The following KCNH8 variants were observed in gnomAD, a reference collection of about 807,000 sequenced individuals.
The protein encoded by KCNH8 is potassium voltage-gated channel subfamily H member 8.
A neutral mutation model predicts 103.6 loss-of-function variants in KCNH8; 70 were observed. The observed-to-expected ratio is 0.68, with a 90% CI of 0.56 to 0.82. KCNH8 has a LOEUF of 0.82. Among genes scored for constraint, KCNH8 ranks in the 40% least tolerant of loss-of-function variants. KCNH8 has a pLI of 0.00. For missense variants in KCNH8, 1,217 were observed against 1,329.9 expected (o/e 0.92, Z 1.32); for synonymous variants, 498 against 489.4 (o/e 1.02, Z -0.23).
At chr3:19,211,314 T>G (rs1393943114) in intron 1 of KCNH8, among the ~76,000 whole-genome samples, 5 of 152,142 alleles carry the variant, frequency 3.3e-5, no homozygotes, top group African/African-American at 4.8e-5. Context: ...ACCAAGTATT[T>G]TGATTTAAAA....
intron 1 of KCNH8, among the ~76,000 whole-genome samples, chr3:19,245,772 A>C (rs1332112392): frequency 6.6e-6 from 1 of 152,100 alleles, no homozygotes; most frequent in Non-Finnish European, 1.5e-5. Context: ...AATGGTATTC[A>C]TTTTTGTACA....
At chr3:19,415,305 A>G (rs754570738) in intron 7 of KCNH8, among the ~76,000 whole-genome samples, 2 of 151,886 alleles carry the variant, frequency 1.3e-5, no homozygotes, top group South Asian at 2.1e-4. Context: ...AAAACACACC[A>G]TAGACTAAAT....
rs1014491046 is a variant in KCNH8 at position 19,166,259 on chromosome 3, T to C, written c.76+17464T>C. Among the ~76,000 whole-genome samples the C allele has an allele frequency of 4.5e-4, 69 of 152,312 alleles. 1 individual carries two copies. The highest frequency in any genetic ancestry group is 4.5e-3 in the Admixed American group (69 of 15,292). Reference sequence around the variant, plus strand: ...ATCTTAAAATGGCTTTTTTATTTCCTCACATACACATGCAGTTAATGTTTA... The same window carrying C: ...ATCTTAAAATGGCTTTTTTATTTCCCCACATACACATGCAGTTAATGTTTA... On this transcript the variant is annotated intron_variant, in intron 1 of 15. Coordinates refer to ENST00000328405, the MANE Select transcript of KCNH8 (RefSeq NM_144633.3).
intron 7 of KCNH8, among the ~76,000 whole-genome samples, chr3:19,397,557 A>G (rs200841373): frequency 3.5e-5 from 5 of 142,798 alleles, no homozygotes; most frequent in African/African-American, 2.5e-5. Flanking sequence ...ATATGTGTGT[A>G]TATATACATA....
chr3:19,360,689 T>TA (rs1302391572), intron 5 of KCNH8, among the ~76,000 whole-genome samples: 1 of 152,066 alleles, frequency 6.6e-6, no homozygotes, highest in African/African-American at 2.4e-5. Flanking sequence ...ATAAAATTGA[T>TA]ACAATTTTAT....
At chr3:19,501,236 G>A (rs1276046412) in intron 11 of KCNH8, among the ~76,000 whole-genome samples, 1 of 151,896 alleles carries the variant, frequency 6.6e-6, no homozygotes, top group Non-Finnish European at 1.5e-5. Context: ...GGAAGAAGTT[G>A]AATCTCTGAA....
At chr3:19,291,233 C>T (rs1159285744) in intron 3 of KCNH8, among the ~76,000 whole-genome samples, 1 of 152,094 alleles carries the variant, frequency 6.6e-6, no homozygotes, top group Admixed American at 6.6e-5. Flanking sequence ...TTTTTTGTGT[C>T]TCTATTTCCT....
chr3:19,350,857 C>T lies in KCNH8; in HGVS notation c.811+2892C>T, dbSNP rs146141168. Among the ~76,000 whole-genome samples, 120 of 152,158 alleles carry T rather than the reference C, an allele frequency of 7.9e-4. 2 individuals are homozygous for T. The East Asian group carries it at 0.02, about 25-fold the overall frequency. On this transcript the variant is annotated intron_variant, in intron 5 of 15. Transcript: ENST00000328405. ...AAGGAACGCACCTCCTTGCCAGCAACGGAACAAAGCTGGATGGAGAATGAC... is the reference window on the plus strand; with the variant it reads ...AAGGAACGCACCTCCTTGCCAGCAATGGAACAAAGCTGGATGGAGAATGAC...
intron 7 of KCNH8, among the ~76,000 whole-genome samples, chr3:19,402,030 C>A (rs905096801): frequency 2.6e-5 from 4 of 151,876 alleles, no homozygotes; most frequent in African/African-American, 9.7e-5. Context: ...CTACCAAACA[C>A]TCCAAGCAAC....
chr3:19,150,832 G>A (rs145444865), intron 1 of KCNH8, among the ~76,000 whole-genome samples: 3 of 152,238 alleles, frequency 2.0e-5, no homozygotes, highest in East Asian at 3.9e-4. Flanking sequence ...GCATCTGGGG[G>A]ATTCCTGGAG....
chr3:19,470,378 C>T (rs1361682686), intron 11 of KCNH8, among the ~76,000 whole-genome samples: 1 of 152,192 alleles, frequency 6.6e-6, no homozygotes, highest in Admixed American at 6.5e-5. Context: ...TGCATTTCCT[C>T]TTCATTCTTC....
chr3:19,276,431 T>C (rs1371694185), intron 2 of KCNH8, among the ~76,000 whole-genome samples: 1 of 152,138 alleles, frequency 6.6e-6, no homozygotes, highest in Non-Finnish European at 1.5e-5. Context: ...AGTAAAGATG[T>C]TATGTATTTA....
chr3:19,424,966 A>G (rs1247494984), intron 7 of KCNH8, among the ~76,000 whole-genome samples: 5 of 152,108 alleles, frequency 3.3e-5, no homozygotes, highest in Non-Finnish European at 7.4e-5. Flanking sequence ...TCCCCACGTC[A>G]TTTGTGGTTT....
chr3:19,500,629 A>T (rs2068558834), intron 11 of KCNH8, among the ~76,000 whole-genome samples: 1 of 152,228 alleles, frequency 6.6e-6, no homozygotes. Context: ...TAAGAATCTC[A>T]CTCAAAACCG....
At chr3:19,462,479 G>C (rs1261633986) in intron 11 of KCNH8, among the ~76,000 whole-genome samples, 1 of 152,060 alleles carries the variant, frequency 6.6e-6, no homozygotes, top group Non-Finnish European at 1.5e-5. Context: ...CCCACTTTTT[G>C]ATGGGGTTGT....
chr3:19,484,315 A>G (rs2068157206), intron 11 of KCNH8, among the ~76,000 whole-genome samples: 1 of 152,250 alleles, frequency 6.6e-6, no homozygotes, highest in Admixed American at 6.5e-5. Flanking sequence ...CATAGTAACT[A>G]TAGAACAGAA....
intron 1 of KCNH8, among the ~76,000 whole-genome samples, chr3:19,245,080 A>G (rs982788652): frequency 2.0e-5 from 3 of 152,148 alleles, no homozygotes; most frequent in Non-Finnish European, 4.4e-5. Flanking sequence ...CAGGATTTTT[A>G]TAGTTTGAAG....
chr3:19,185,702 T>A (rs2063495189), intron 1 of KCNH8, among the ~76,000 whole-genome samples: 1 of 151,450 alleles, frequency 6.6e-6, no homozygotes, highest in South Asian at 2.1e-4. Flanking sequence ...TTTAGCATGC[T>A]TATGCTCCTA....
intron 11 of KCNH8, among the ~76,000 whole-genome samples, chr3:19,484,948 G>C (rs1390118094): frequency 2.0e-5 from 3 of 152,128 alleles, no homozygotes; most frequent in Non-Finnish European, 4.4e-5. Flanking sequence ...TTCTTAGAAG[G>C]AGTGCATTTA....
Sources: gnomAD v4.1 joint callset for allele counts (sites outside exome capture counted in the v4.1 genomes callset) on GRCh38, gnomAD v4.1.1 for gene constraint, MANE v1.5 for transcripts, NCBI Gene and HGNC (gene_info 2026-07-23, HGNC 2026-07-21) for gene names.